The following NAV3 variants were observed in gnomAD, a reference collection of about 807,000 sequenced individuals.
NAV3 encodes pore membrane and/or filament interacting like protein 1.
NAV3 carries 87 observed loss-of-function variants against 244.7 expected under a neutral mutation model. The observed-to-expected ratio is 0.36, with a 90% CI of 0.30 to 0.42. The LOEUF is 0.42. Among genes scored for constraint, NAV3 ranks in the 20% least tolerant of loss-of-function variants. The pLI, the probability that NAV3 is intolerant of heterozygous loss-of-function variation, is 1.00. For synonymous variants in NAV3, 1,126 were observed against 1,042.2 expected (o/e 1.08, Z -1.55); for missense variants, 2,663 against 2,893.3 (o/e 0.92, Z 1.83).
At chr12:77,585,600 G>A (rs1436519967) in intron 2 of NAV3, among the ~76,000 whole-genome samples, 2 of 152,180 alleles carry the variant, frequency 1.3e-5, no homozygotes, top group African/African-American at 4.8e-5. Flanking sequence ...CTCATAAGGA[G>A]CTCAGAACGT....
At chr12:77,918,189 G>T (rs916026356) in intron 1 of NAV3, among the ~76,000 whole-genome samples, 1 of 152,018 alleles carries the variant, frequency 6.6e-6, no homozygotes, top group Non-Finnish European at 1.5e-5. Flanking sequence ...GATTCTTCTG[G>T]CTGTCATTAC....
chr12:77,663,131 ACAAT>A (rs1047854592), intron 2 of NAV3, among the ~76,000 whole-genome samples: 46 of 152,336 alleles, frequency 3.0e-4, no homozygotes, highest in African/African-American at 1.0e-3. Context: ...TGTGAAACTA[ACAAT>A]CAGAGTCATT....
intron 12 of NAV3, among the ~76,000 whole-genome samples, chr12:78,064,960 T>C (rs942617380): frequency 2.0e-5 from 3 of 152,094 alleles, no homozygotes; most frequent in Admixed American, 2.0e-4. Context: ...GTTTCCCAAT[T>C]TTTAAGTATT....
chr12:78,045,529 G>A (rs765726670), intron 9 of NAV3, among the ~76,000 whole-genome samples: 3 of 152,078 alleles, frequency 2.0e-5, no homozygotes, highest in Middle Eastern at 3.2e-3. Flanking sequence ...TCCTGACCTC[G>A]TGATCTGCCC....
chr12:78,042,811 AT>A (rs1217335679), intron 9 of NAV3, among the ~76,000 whole-genome samples: 2 of 152,212 alleles, frequency 1.3e-5, no homozygotes, highest in African/African-American at 2.4e-5. Context: ...AAATAAAAAA[AT>A]AAAAGGCCTC....
intron 2 of NAV3, among the ~76,000 whole-genome samples, chr12:77,682,558 A>T (rs1024028367): frequency 1.3e-5 from 2 of 152,064 alleles, no homozygotes; most frequent in African/African-American, 4.8e-5. Context: ...TTCTATTTTT[A>T]GTTTTTTGAG....
intron 1 of NAV3, among the ~76,000 whole-genome samples, chr12:77,936,846 T>C (rs1019791710): frequency 1.3e-5 from 2 of 152,186 alleles, no homozygotes; most frequent in Non-Finnish European, 2.9e-5. Flanking sequence ...AATACATTTT[T>C]ATACCATGTG....
chr12:77,677,933 A>AT (rs144169370), intron 2 of NAV3, among the ~76,000 whole-genome samples: 3,766 of 151,998 alleles, frequency 0.025, 62 homozygotes, highest in Middle Eastern at 0.082. Context: ...TAGTAAATAG[A>AT]TTTTTTTTCA....
intron 2 of NAV3, among the ~76,000 whole-genome samples, chr12:77,646,677 G>A (rs961468426): frequency 6.6e-6 from 1 of 152,068 alleles, no homozygotes; most frequent in Non-Finnish European, 1.5e-5. Context: ...GTCCAGGTGC[G>A]AGTCTGGGAG....
rs139173096 is a variant in NAV3, at chr12:77,861,299, A to G, written c.243+29595A>G. Among the ~76,000 whole-genome samples the G allele has an allele frequency of 7.1e-4, 108 of 151,926 alleles. 1 individual carries two copies. In the East Asian group the frequency reaches 0.011, roughly 15 times the overall value. On this transcript the variant is annotated intron_variant, in intron 1 of 39. Coordinates refer to ENST00000397909, the MANE Select transcript of NAV3 (RefSeq NM_001024383.2). Reference sequence around the variant, plus strand: ...TACATGACCCTCTCTTGCTTAGCCAAACTTGACCAGAAGTTTTGTGAGTTT... The same window carrying G: ...TACATGACCCTCTCTTGCTTAGCCAGACTTGACCAGAAGTTTTGTGAGTTT...
At chr12:77,980,059 G>A (rs1311092052) in intron 5 of NAV3, among the ~76,000 whole-genome samples, 2 of 152,156 alleles carry the variant, frequency 1.3e-5, no homozygotes, top group African/African-American at 2.4e-5. Context: ...CAGGAAGCAG[G>A]TGGTCAGTTA....
intron 2 of NAV3, chr12:77,572,282 C>G (rs943895585): frequency 6.5e-6 from 1 of 154,292 alleles, no homozygotes; most frequent in African/African-American, 2.4e-5. Flanking sequence ...AGAAATTTCT[C>G]TTTGCTTGGT....
At chr12:77,589,419 A>C (rs1420845952) in intron 2 of NAV3, among the ~76,000 whole-genome samples, 1 of 152,114 alleles carries the variant, frequency 6.6e-6, no homozygotes, top group Non-Finnish European at 1.5e-5. Context: ...TCCCTCTGCT[A>C]TAAGGACATA....
At chr12:78,110,140 T>C (rs1178133934) in intron 12 of NAV3, among the ~76,000 whole-genome samples, 1 of 151,992 alleles carries the variant, frequency 6.6e-6, no homozygotes, top group Non-Finnish European at 1.5e-5. Flanking sequence ...AGCATTTCTA[T>C]GCCCCAATAA....
intron 5 of NAV3, among the ~76,000 whole-genome samples, chr12:77,980,094 T>A (rs557771593): frequency 2.4e-4 from 36 of 152,284 alleles, no homozygotes; most frequent in Middle Eastern, 6.8e-3. Flanking sequence ...ATGAGGGGCT[T>A]GGCGTCTTAT....
upstream of NAV3, among the ~76,000 whole-genome samples, chr12:77,826,714 T>C (rs988837749): frequency 2.6e-5 from 4 of 152,186 alleles, no homozygotes; most frequent in Non-Finnish European, 5.9e-5. Flanking sequence ...TTCATTTCTA[T>C]GAAATTCTAG....
chr12:77,931,081 C>G (rs906572504), intron 1 of NAV3, among the ~76,000 whole-genome samples: 2 of 146,798 alleles, frequency 1.4e-5, no homozygotes, highest in Admixed American at 6.9e-5. Flanking sequence ...TAATTTTTTT[C>G]CTATCTTATT....
At chr12:77,845,995 G>A (rs1042071406) in intron 1 of NAV3, among the ~76,000 whole-genome samples, 5 of 152,052 alleles carry the variant, frequency 3.3e-5, no homozygotes, top group Non-Finnish European at 5.9e-5. Context: ...CAAAATACTA[G>A]CTTTACAATG....
At chr12:77,767,954 A>G (rs1014995068) in intron 2 of NAV3, among the ~76,000 whole-genome samples, 1 of 152,240 alleles carries the variant, frequency 6.6e-6, no homozygotes, top group African/African-American at 2.4e-5. Flanking sequence ...TATGCAGACA[A>G]CTGGAGGGTG....
Sources: allele counts gnomAD v4.1 joint callset (sites outside exome capture counted in the v4.1 genomes callset), GRCh38; gene constraint gnomAD v4.1.1; transcripts MANE v1.5; gene names NCBI Gene and HGNC (gene_info 2026-07-23, HGNC 2026-07-21).